Variants in STPG2 observed in about 807,000 individuals in gnomAD.
STPG2 encodes sperm-tail PG-rich repeat-containing protein 2.
Under a neutral mutation model 54.2 loss-of-function variants are expected in STPG2, and 56 were observed. The observed-to-expected ratio is 1.03, with a 90% CI of 0.83 to 1.29. The LOEUF is 1.29. Among genes scored for constraint, STPG2 ranks in the 50% most tolerant of loss-of-function variants. The pLI, the probability that STPG2 is intolerant of heterozygous loss-of-function variation, is 0.00. For synonymous variants in STPG2, 200 were observed against 181.8 expected (o/e 1.10, Z -0.81); for missense variants, 596 against 544.9 (o/e 1.09, Z -0.93).
intron 4 of STPG2, among the ~76,000 whole-genome samples, chr4:97,477,548 C>G (rs1292296184): frequency 1.3e-5 from 2 of 149,032 alleles, no homozygotes; most frequent in South Asian, 4.2e-4. Context: ...ACGATCTCGG[C>G]TCACTGCAAG....
At chr4:97,520,572 C>T (rs944137771) in intron 4 of STPG2, among the ~76,000 whole-genome samples, 3 of 151,998 alleles carry the variant, frequency 2.0e-5, no homozygotes, top group Non-Finnish European at 2.9e-5. Flanking sequence ...TGTAAATTTC[C>T]TCTGTGTATA....
At chr4:97,950,042 TG>T (rs1437528269) in intron 7 of STPG2, among the ~76,000 whole-genome samples, 14 of 152,110 alleles carry the variant, frequency 9.2e-5, no homozygotes, top group Admixed American at 6.6e-4. Context: ...CACTGCATTT[TG>T]TAGTTCCCTA....
At chr4:97,769,614 A>T (rs533000238) in intron 9 of STPG2, among the ~76,000 whole-genome samples, 1 of 152,274 alleles carries the variant, frequency 6.6e-6, no homozygotes, top group Non-Finnish European at 1.5e-5. Flanking sequence ...CCTCACAAAA[A>T]AAGTTATTAA....
chr4:98,134,086 CTATT>C (rs1412773030), intron 2 of STPG2, among the ~76,000 whole-genome samples: 3 of 151,878 alleles, frequency 2.0e-5, no homozygotes, highest in African/African-American at 7.2e-5. Flanking sequence ...TTCAAGAGTC[CTATT>C]CTCTCATTCT....
At chr4:98,110,693 C>T (rs995046521) in intron 3 of STPG2, among the ~76,000 whole-genome samples, 2 of 152,140 alleles carry the variant, frequency 1.3e-5, no homozygotes, top group African/African-American at 4.8e-5. Flanking sequence ...TTTACTCCCA[C>T]TCTAAAACTT....
chr4:97,503,988 AT>A (rs1249114337), intron 4 of STPG2, among the ~76,000 whole-genome samples: 1 of 141,868 alleles, frequency 7.0e-6, no homozygotes, highest in Non-Finnish European at 1.5e-5. Flanking sequence ...ATATTTAAAT[AT>A]TTTAAAAATA....
intron 8 of STPG2, among the ~76,000 whole-genome samples, chr4:97,904,899 T>G (rs1437322159): frequency 2.0e-5 from 3 of 152,078 alleles, no homozygotes; most frequent in Non-Finnish European, 4.4e-5. Context: ...AGAAGGGAAC[T>G]TTAGAGAAAA....
chr4:97,546,648 T>G (rs934212461), intron 4 of STPG2, among the ~76,000 whole-genome samples: 1 of 152,150 alleles, frequency 6.6e-6, no homozygotes, highest in Non-Finnish European at 1.5e-5. Context: ...GATCTAATTA[T>G]TTGCATCCAA....
chr4:97,888,426 T>C (rs547109978), intron 8 of STPG2, among the ~76,000 whole-genome samples: 28 of 152,298 alleles, frequency 1.8e-4, no homozygotes, highest in South Asian at 6.2e-4. Flanking sequence ...AGGTGAGACA[T>C]AGAGTCAAGA....
chr4:97,732,287 G>C (rs1312597334), intron 9 of STPG2, among the ~76,000 whole-genome samples: 1 of 152,096 alleles, frequency 6.6e-6, no homozygotes, highest in African/African-American at 2.4e-5. Flanking sequence ...GTTTTTTCCA[G>C]TGTTGTCTTC....
At chr4:97,625,153 G>A (rs1734108133) in intron 10 of STPG2, among the ~76,000 whole-genome samples, 1 of 152,164 alleles carries the variant, frequency 6.6e-6, no homozygotes, top group African/African-American at 2.4e-5. Context: ...ATTTTGTAAT[G>A]GTAGCCCAAA....
At chr4:97,642,529 G>A (rs1391719821) in intron 10 of STPG2, among the ~76,000 whole-genome samples, 1 of 151,132 alleles carries the variant, frequency 6.6e-6, no homozygotes, top group African/African-American at 2.4e-5. Flanking sequence ...AACTTCTCAG[G>A]ACCAAGGAAG....
intron 4 of STPG2, among the ~76,000 whole-genome samples, chr4:97,507,014 A>C (rs1255094003): frequency 6.6e-6 from 1 of 152,010 alleles, no homozygotes; most frequent in Non-Finnish European, 1.5e-5. Flanking sequence ...TCCTGCTAAT[A>C]AGAGACAAAT....
At chr4:97,670,796 T>C (rs1260557011) in intron 10 of STPG2, among the ~76,000 whole-genome samples, 1 of 152,166 alleles carries the variant, frequency 6.6e-6, no homozygotes, top group Non-Finnish European at 1.5e-5. Context: ...TAGATAACCA[T>C]ATACTGTTTA....
intron 9 of STPG2, among the ~76,000 whole-genome samples, chr4:97,775,966 T>C (rs191683340): frequency 3.9e-5 from 6 of 152,180 alleles, no homozygotes; most frequent in African/African-American, 1.4e-4. Flanking sequence ...TTCACCACAT[T>C]GACAAGACTG....
intron 9 of STPG2, among the ~76,000 whole-genome samples, chr4:97,786,656 C>T (rs1484744720): frequency 6.6e-6 from 1 of 152,082 alleles, no homozygotes; most frequent in Non-Finnish European, 1.5e-5. Context: ...CTCATACCAT[C>T]CTGCTCCATT....
chr4:97,703,889 G>A (rs540671511), intron 10 of STPG2, among the ~76,000 whole-genome samples: 1 of 151,254 alleles, frequency 6.6e-6, no homozygotes, highest in Non-Finnish European at 1.5e-5. Flanking sequence ...TAGGCTGTCT[G>A]CAAACTGAGG....
chr4:98,109,197 C>G lies in STPG2; in HGVS notation c.496G>C (p.Val166Leu). 6.4e-7 allele frequency: 1 copy of G among 1,557,184 alleles called. No homozygotes were observed. The highest frequency in any genetic ancestry group is 1.2e-5 in the South Asian group (1 of 81,782). Residue 166 changes from valine to leucine, a missense_variant, in exon 4 of 11, where the codon GTC becomes CTC. Val to Leu is a conservative substitution (Grantham distance 32). Transcript: ENST00000295268. ...SGPGPGQYDI[V>L]QKKTSYYENV... ...ATACTATATTTTTTTACTTACTGGA[C>G]TATATCATACTGTCCTGGACCAGGA...
At chr4:97,727,035 G>A (rs748685135) in intron 9 of STPG2, among the ~76,000 whole-genome samples, 2 of 151,782 alleles carry the variant, frequency 1.3e-5, no homozygotes, top group Non-Finnish European at 3.0e-5. Flanking sequence ...GAAAAGAAGG[G>A]AATTATACTT....
Sources: allele counts gnomAD v4.1 joint callset (sites outside exome capture counted in the v4.1 genomes callset), GRCh38; gene constraint gnomAD v4.1.1; transcripts MANE v1.5; gene names NCBI Gene and HGNC (gene_info 2026-07-23, HGNC 2026-07-21).